The following EYA1 variants were observed in gnomAD, a reference collection of about 807,000 sequenced individuals.
EYA1 encodes the protein protein phosphatase EYA1.
In EYA1, 16 loss-of-function variants were observed where a neutral mutation model predicts 82.0. The observed-to-expected ratio is 0.20, with a 90% CI of 0.13 to 0.30. The LOEUF is 0.30. Among genes scored for constraint, EYA1 ranks in the 10% least tolerant of loss-of-function variants. The pLI, the probability that EYA1 is intolerant of heterozygous loss-of-function variation, is 1.00. For missense variants in EYA1, 633 were observed against 730.7 expected, an observed-to-expected ratio of 0.87 and a Z score of 1.54; for synonymous variants, 261 against 264.4, an observed-to-expected ratio of 0.99 and a Z score of 0.12.
At chr8:71,535,617 C>A (rs954739473) in intron 2 of EYA1, 18 of 618,198 alleles carry the variant, frequency 2.9e-5, no homozygotes, top group Non-Finnish European at 3.8e-5. Context: ...CCTTCAAAAT[C>A]ATTAAAAATT....
chr8:71,354,825 G>A lies in EYA1; in HGVS notation c.81C>T (p.Asn27=), dbSNP rs766056474. The A allele has an allele frequency of 1.2e-5, 19 of 1,613,650 alleles. 2 individuals are homozygous for A. The South Asian group carries it at 2.1e-4, about 18-fold the overall frequency. ...SESPSGPKLG[N]SHINSNSMTP... The stretch of plus-strand genomic sequence containing the variant: ...TCATGGAATTACTATTTATATGAGA[G>A]TTACCGAGTTTGGGGCCACTGGGGG... Residue 27 remains asparagine (N), a synonymous_variant, in exon 3 of 18, where the codon AAC becomes AAT. Coordinates refer to ENST00000340726, the MANE Select transcript of EYA1 (RefSeq NM_000503.6).
At chr8:71,311,327 G>A (rs771731007) in intron 7 of EYA1, among the ~76,000 whole-genome samples, 4 of 152,210 alleles carry the variant, frequency 2.6e-5, no homozygotes, top group South Asian at 2.1e-4. Context: ...ATCAGAGGCC[G>A]AAGCTGCTTC....
chr8:71,277,946 A>C (rs575499589), intron 9 of EYA1, among the ~76,000 whole-genome samples: 4 of 152,308 alleles, frequency 2.6e-5, no homozygotes, highest in South Asian at 2.1e-4. Context: ...AAGATAATTA[A>C]ATTTTTACAT....
intron 16 of EYA1, among the ~76,000 whole-genome samples, chr8:71,212,536 G>T (rs891409553): frequency 5.9e-5 from 9 of 152,314 alleles, no homozygotes; most frequent in Admixed American, 3.3e-4. Context: ...TAAAGATGAA[G>T]TTGTGGTAGA....
intron 2 of EYA1, among the ~76,000 whole-genome samples, chr8:71,441,457 T>C (rs1271723716): frequency 6.6e-6 from 1 of 151,968 alleles, no homozygotes; most frequent in Admixed American, 6.6e-5. Context: ...CCAACCCCAA[T>C]CAGACTGGAA....
intron 17 of EYA1, among the ~76,000 whole-genome samples, chr8:71,205,027 C>T (rs1807572728): frequency 6.6e-6 from 1 of 152,120 alleles, no homozygotes; most frequent in African/African-American, 2.4e-5. Context: ...CAAAAAAGTG[C>T]TTTACAAATG....
intron 4 of EYA1, 126 bp downstream of exon 4, chr8:71,333,971 A>T: frequency 1.4e-6 from 1 of 712,832 alleles, no homozygotes; most frequent in Middle Eastern, 2.4e-4. Context: ...GTATATATAC[A>T]TAAGTACGTA....
Position 71,412,394 on chromosome 8 carries a change from TAAAATAAAATAA to T in EYA1, c.34-55895_34-55884del, listed in dbSNP as rs1259538156. Among the ~76,000 whole-genome samples the T allele has an allele frequency of 8.7e-3, 1,007 of 115,304 alleles. 9 individuals carry two copies. The highest frequency in any genetic ancestry group is 0.027 in the African/African-American group (979 of 36,516). 75.6% of individuals were successfully genotyped at this position (115,304 alleles called of 152,430 possible). On this transcript the variant is annotated intron_variant, in intron 2 of 18. Coordinates refer to the EYA1 transcript ENST00000643681. Reference sequence around the variant, plus strand: ...TAAAGTATAATAAAAAAATATAAAATAAAATAAAATAAAAAATAAAATAAAATAAAATAAAAA... The same window carrying T: ...TAAAGTATAATAAAAAAATATAAAATAAAATAAAATAAAATAAAATAAAAA...
chr8:71,447,113 G>A (rs1806952247), intron 2 of EYA1, among the ~76,000 whole-genome samples: 1 of 149,784 alleles, frequency 6.7e-6, no homozygotes, highest in African/African-American at 2.5e-5. Flanking sequence ...TAAAATTAGT[G>A]ATGGGCCCAA....
At chr8:71,388,222 C>T (rs1829072720) in intron 2 of EYA1, among the ~76,000 whole-genome samples, 2 of 152,070 alleles carry the variant, frequency 1.3e-5, no homozygotes, top group African/African-American at 2.4e-5. Flanking sequence ...ACCAGTGATC[C>T]CCAAGGTCTT....
At chr8:71,243,811 T>G (rs866410079) in intron 12 of EYA1, among the ~76,000 whole-genome samples, 20 of 152,376 alleles carry the variant, frequency 1.3e-4, no homozygotes, top group Middle Eastern at 6.8e-3. Flanking sequence ...TTTCAGATTC[T>G]TCTCCTGTCT....
intron 2 of EYA1, among the ~76,000 whole-genome samples, chr8:71,392,751 T>G (rs1829352018): frequency 6.6e-6 from 1 of 152,216 alleles, no homozygotes; most frequent in Admixed American, 6.6e-5. Context: ...AAATTTCAAA[T>G]GTATTGCCAC....
chr8:71,331,285 C>CACACATAT (rs554459560), intron 4 of EYA1, among the ~76,000 whole-genome samples: 2 of 127,542 alleles, frequency 1.6e-5, no homozygotes, highest in African/African-American at 5.6e-5. Context: ...CACACACACA[C>CACACATAT]ATATATATAC....
At chr8:71,533,074 CA>C (rs1814419527) in intron 2 of EYA1, among the ~76,000 whole-genome samples, 1 of 152,112 alleles carries the variant, frequency 6.6e-6, no homozygotes, top group Non-Finnish European at 1.5e-5. Context: ...AAAACTGATG[CA>C]AAGTGGAAAC....
At chr8:71,418,610 A>C (rs1265271322) in intron 2 of EYA1, among the ~76,000 whole-genome samples, 2 of 152,240 alleles carry the variant, frequency 1.3e-5, no homozygotes, top group African/African-American at 4.8e-5. Flanking sequence ...ATGAATATTC[A>C]AATATACACA....
At chr8:71,444,038 A>T (rs144458860) in intron 2 of EYA1, among the ~76,000 whole-genome samples, 1 of 152,330 alleles carries the variant, frequency 6.6e-6, no homozygotes, top group African/African-American at 2.4e-5. Flanking sequence ...TCCTATAAAG[A>T]TCTACCGACT....
chr8:71,303,166 G>A (rs1276313076), intron 7 of EYA1, among the ~76,000 whole-genome samples: 4 of 141,530 alleles, frequency 2.8e-5, no homozygotes, highest in African/African-American at 5.0e-5. Context: ...TTTGAAATCC[G>A]CTTTCTCAGA....
intron 9 of EYA1, among the ~76,000 whole-genome samples, chr8:71,293,798 A>G: frequency 6.6e-6 from 1 of 150,562 alleles, no homozygotes; most frequent in Non-Finnish European, 1.5e-5. Flanking sequence ...AAAGCTGACA[A>G]AGAACATCAA....
At chr8:71,374,369 T>C (rs1189244828) in intron 2 of EYA1, among the ~76,000 whole-genome samples, 2 of 151,990 alleles carry the variant, frequency 1.3e-5, no homozygotes, top group Non-Finnish European at 1.5e-5. Flanking sequence ...ATGGCCAACA[T>C]GTATATAAAA....
Sources: gnomAD v4.1 joint callset for allele counts (sites outside exome capture counted in the v4.1 genomes callset) on GRCh38, gnomAD v4.1.1 for gene constraint, MANE v1.5 for transcripts, NCBI Gene and HGNC (gene_info 2026-07-23, HGNC 2026-07-21) for gene names.